LCLAT1: variants seen among roughly 807,000 people sequenced by gnomAD.
LCLAT1 encodes the protein lysocardiolipin acyltransferase 1.
Under a neutral mutation model 30.7 loss-of-function variants are expected in LCLAT1, and 11 were observed. The observed-to-expected ratio is 0.36, with a 90% CI of 0.23 to 0.59. The LOEUF (loss-of-function observed/expected upper bound fraction) is 0.59, where lower values mean the gene tolerates loss of function less well. Among genes scored for constraint, LCLAT1 ranks in the 20% least tolerant of loss-of-function variants. LCLAT1 has a pLI of 0.77. For synonymous variants in LCLAT1, 155 were observed against 151.3 expected, an observed-to-expected ratio of 1.02 and a Z score of -0.18; for missense variants, 402 against 458.6, an observed-to-expected ratio of 0.88 and a Z score of 1.13.
intron 5 of LCLAT1, among the ~76,000 whole-genome samples, chr2:30,617,173 T>C (rs967659342): frequency 1.3e-5 from 2 of 152,166 alleles, no homozygotes; most frequent in Non-Finnish European, 2.9e-5. Flanking sequence ...AGGTTTTCTA[T>C]GTACCTCTGC....
intron 3 of LCLAT1, chr2:30,552,343 G>C (rs1037012294): frequency 3.4e-6 from 1 of 291,452 alleles, no homozygotes; most frequent in African/African-American, 2.2e-5. Context: ...GTGGAGTCTA[G>C]TGAAATTTGT....
rs1665581172 is a variant in LCLAT1 at position 30,568,083 on chromosome 2, G to C, written c.535G>C (p.Ala179Pro). Residue 179 changes from alanine (A) to proline (P), a missense_variant, in exon 5 of 6, where the codon GCA (alanine) becomes CCA (proline). Ala to Pro is a conservative substitution (Grantham distance 27). Transcript: ENST00000379509. ...AGAAAACAGCAAGTCTCGAAGTAAT[G>C]CATTTGCTGAAAAAAATGGACTTCA... ...LTENSKSRSN[A>P]FAEKNGLQKY... 2 of 1,584,220 alleles carry C rather than the reference G, an allele frequency of 1.3e-6. No individual in the cohort carries two copies. Among genetic ancestry groups the C allele is most frequent in the Non-Finnish European group, 1.7e-6 (2 of 1,157,470 alleles).
chr2:30,620,399 G>A (rs1013881410), intron 5 of LCLAT1, among the ~76,000 whole-genome samples: 1 of 152,172 alleles, frequency 6.6e-6, no homozygotes. Context: ...TAGAGTTTGA[G>A]AACTACTGTC....
At chr2:30,628,659 A>G (rs1668624322) in intron 5 of LCLAT1, among the ~76,000 whole-genome samples, 1 of 152,196 alleles carries the variant, frequency 6.6e-6, no homozygotes, top group African/African-American at 2.4e-5. Context: ...ATTTTAATAC[A>G]AGAGGAAAGG....
At position 30,627,656 on chromosome 2, in the gene LCLAT1, ATTTTATTATTTTTCAATTTCTC is replaced by A. The variant is rs1420027966; in HGVS notation, c.629-12457_629-12436del. On this transcript the variant is annotated intron_variant, in intron 5 of 5. Coordinates refer to ENST00000379509, the MANE Select transcript of LCLAT1 (RefSeq NM_001002257.3). ...TAGAAATAGTGAAGCCTACACTATA[ATTTTATTATTTTTCAATTTCTC>A]TTTGGATTTCTTTCTTTTTTCCTTT... Among the ~76,000 whole-genome samples the A allele has an allele frequency of 1.2e-4, 19 of 152,202 alleles. No homozygotes were observed. In the East Asian group the frequency reaches 3.7e-3, roughly 29 times the overall value.
chr2:30,558,429 G>A (rs34777580), intron 3 of LCLAT1, among the ~76,000 whole-genome samples: 17,666 of 151,708 alleles, frequency 0.12, 1,363 homozygotes, highest in East Asian at 0.29. Flanking sequence ...GCAAAACCCC[G>A]TCTCTACTAA....
intron 5 of LCLAT1, among the ~76,000 whole-genome samples, chr2:30,613,332 T>C (rs1029722078): frequency 2.6e-5 from 4 of 152,092 alleles, no homozygotes; most frequent in Non-Finnish European, 4.4e-5. Flanking sequence ...AAGAAAAATC[T>C]GTAGGTCGGG....
intron 1 of LCLAT1, among the ~76,000 whole-genome samples, chr2:30,517,810 C>G (rs1352568734): frequency 6.6e-6 from 1 of 152,088 alleles, no homozygotes; most frequent in Non-Finnish European, 1.5e-5. Flanking sequence ...AAAAAGTGTA[C>G]CCTATTCCTT....
chr2:30,562,887 T>C (rs1254027682), intron 4 of LCLAT1, among the ~76,000 whole-genome samples: 2 of 152,158 alleles, frequency 1.3e-5, no homozygotes, highest in East Asian at 1.9e-4. Context: ...ATTTCAGTTA[T>C]TGTTGATTTA....
At chr2:30,474,172 C>T (rs1385349806) in intron 1 of LCLAT1, among the ~76,000 whole-genome samples, 1 of 152,104 alleles carries the variant, frequency 6.6e-6, no homozygotes, top group South Asian at 2.1e-4. Flanking sequence ...TTGAAATGGA[C>T]CCAAGTGGAG....
chr2:30,538,788 T>C (rs2148406015), intron 3 of LCLAT1, among the ~76,000 whole-genome samples: 1 of 151,954 alleles, frequency 6.6e-6, no homozygotes, highest in African/African-American at 2.4e-5. Context: ...ATAGCAGAAA[T>C]TGATAAATTC....
intron 1 of LCLAT1, among the ~76,000 whole-genome samples, chr2:30,492,000 G>A (rs1437699344): frequency 6.6e-6 from 1 of 152,150 alleles, no homozygotes; most frequent in Non-Finnish European, 1.5e-5. Context: ...GTAATACTGT[G>A]TCTAGGTTGA....
In LCLAT1 at chr2:30,594,291, C is replaced by T. The variant is rs567709804; in HGVS notation, c.628+26115C>T. Reference sequence around the variant, plus strand: ...TCCTACTGATTCATATAGTTTTTTCCGATACTTTAATGGGAAAATTTTCAA... The same window carrying T: ...TCCTACTGATTCATATAGTTTTTTCTGATACTTTAATGGGAAAATTTTCAA... On this transcript the variant is annotated intron_variant, in intron 5 of 5. Transcript: ENST00000379509. Among the ~76,000 whole-genome samples, 391 of 151,942 alleles carry T rather than the reference C, an allele frequency of 2.6e-3. 2 individuals carry two copies. Among genetic ancestry groups the T allele is most frequent in the African/African-American group, 4.8e-3 (200 of 41,440 alleles).
At chr2:30,487,137 A>G (rs829676) in intron 1 of LCLAT1, among the ~76,000 whole-genome samples, 14,613 of 152,292 alleles carry the variant, frequency 0.096, 755 homozygotes, top group East Asian at 0.13. Context: ...TCTTGCTCAC[A>G]TAGATGGTAG....
chr2:30,547,446 T>C (rs925939771), intron 3 of LCLAT1, among the ~76,000 whole-genome samples: 1 of 152,144 alleles, frequency 6.6e-6, no homozygotes, highest in Non-Finnish European at 1.5e-5. Context: ...GATGCACACA[T>C]CCTATGACAG....
At chr2:30,585,258 C>G (rs1666382943) in intron 5 of LCLAT1, among the ~76,000 whole-genome samples, 1 of 151,354 alleles carries the variant, frequency 6.6e-6, no homozygotes, top group Non-Finnish European at 1.5e-5. Context: ...TCTGATTTAT[C>G]CATCCTCGGT....
chr2:30,628,003 T>G (rs1400074247), intron 5 of LCLAT1, among the ~76,000 whole-genome samples: 1 of 152,154 alleles, frequency 6.6e-6, no homozygotes, highest in African/African-American at 2.4e-5. Flanking sequence ...CTGTTTTTGC[T>G]GCAATCTATA....
chr2:30,543,870 A>G (rs886304396), intron 3 of LCLAT1, among the ~76,000 whole-genome samples: 1 of 151,700 alleles, frequency 6.6e-6, no homozygotes, highest in Non-Finnish European at 1.5e-5. Context: ...CCCCTCATCA[A>G]TCTGTGTTTT....
chr2:30,535,032 C>T (rs1686175728), intron 3 of LCLAT1, among the ~76,000 whole-genome samples: 1 of 152,008 alleles, frequency 6.6e-6, no homozygotes, highest in African/African-American at 2.4e-5. Flanking sequence ...ATACAACTGA[C>T]AAAATCTGAC....
Sources: gnomAD v4.1 joint callset for allele counts (sites outside exome capture counted in the v4.1 genomes callset) on GRCh38, gnomAD v4.1.1 for gene constraint, MANE v1.5 for transcripts, NCBI Gene and HGNC (gene_info 2026-07-23, HGNC 2026-07-21) for gene names.